Variants in PLPP1 observed in about 807,000 individuals in gnomAD.
PLPP1 encodes the protein phospholipid phosphatase 1.
A neutral mutation model predicts 31.2 loss-of-function variants in PLPP1; 24 were observed. The ratio of observed to expected loss-of-function variants is 0.77; its 90% CI spans 0.56 to 1.08. The LOEUF is 1.08. PLPP1 is among the 50% of genes least tolerant of loss of function. The pLI is 0.00. For synonymous variants in PLPP1, 146 were observed against 126.3 expected, an observed-to-expected ratio of 1.16 and a Z score of -1.05; for missense variants, 319 against 342.7, an observed-to-expected ratio of 0.93 and a Z score of 0.55.
At chr5:55,498,884 C>T (rs1753059076) in intron 1 of PLPP1, among the ~76,000 whole-genome samples, 2 of 152,208 alleles carry the variant, frequency 1.3e-5, no homozygotes, top group African/African-American at 4.8e-5. Flanking sequence ...TCACAAACTA[C>T]TGGAATCTTG....
intron 3 of PLPP1, among the ~76,000 whole-genome samples, chr5:55,446,393 A>T (rs1435657980): frequency 6.6e-6 from 1 of 152,232 alleles, no homozygotes; most frequent in African/African-American, 2.4e-5. Flanking sequence ...ATCATTTACA[A>T]ATCCCTTTGG....
chr5:55,448,272 A>T (rs1444793139), intron 3 of PLPP1, among the ~76,000 whole-genome samples: 7 of 152,188 alleles, frequency 4.6e-5, no homozygotes, highest in African/African-American at 1.7e-4. Context: ...GATGAATGAG[A>T]AAATGAGCAC....
At chr5:55,430,994 A>C (rs911518230) in intron 4 of PLPP1, among the ~76,000 whole-genome samples, 12 of 152,218 alleles carry the variant, frequency 7.9e-5, no homozygotes, top group Non-Finnish European at 1.5e-4. Context: ...AGAACTTCAG[A>C]ACTTCAAAAA....
intron 1 of PLPP1, among the ~76,000 whole-genome samples, chr5:55,488,538 C>T (rs1348155610): frequency 2.6e-5 from 4 of 151,848 alleles, no homozygotes; most frequent in African/African-American, 9.7e-5. Flanking sequence ...CCCAGCTACT[C>T]GGGAGGTCAA....
At chr5:55,501,054 CCT>C (rs1308712084) in intron 1 of PLPP1, among the ~76,000 whole-genome samples, 2 of 152,178 alleles carry the variant, frequency 1.3e-5, no homozygotes, top group South Asian at 2.1e-4. Flanking sequence ...GTGGCTCACC[CCT>C]GTAACCCCAG....
Position 55,475,332 on chromosome 5 carries a change from T to C in PLPP1, c.177A>G (p.Leu59=). 5.6e-6 allele frequency: 9 copies of C among 1,612,530 alleles called. No individual in the cohort carries two copies. The highest frequency in any genetic ancestry group is 7.6e-6 in the Non-Finnish European group (9 of 1,179,098). The change falls in exon 2 of 6, where the codon TTA becomes TTG. Residue 59 remains leucine, a synonymous_variant. Transcript: ENST00000307259. ...TACTGAATGGAATGATTATTCCACCTAATAACGCATAAGGTATGGTGTCTT... is the reference window on the plus strand; with the variant it reads ...TACTGAATGGAATGATTATTCCACCCAATAACGCATAAGGTATGGTGTCTT... The part of the protein sequence containing the change: ...YKEDTIPYAL[L]GGIIIPFSII...
chr5:55,429,363 T>C (rs1016817050), intron 4 of PLPP1, among the ~76,000 whole-genome samples: 4 of 151,992 alleles, frequency 2.6e-5, no homozygotes, highest in African/African-American at 9.7e-5. Context: ...TGCTGGAATT[T>C]ACCACCAAAA....
intron 4 of PLPP1, among the ~76,000 whole-genome samples, chr5:55,436,745 A>G (rs1751502049): frequency 6.6e-6 from 1 of 152,240 alleles, no homozygotes; most frequent in South Asian, 2.1e-4. Flanking sequence ...TTGTTTAAAA[A>G]TTAATATTAA....
chr5:55,519,184 C>T (rs975072128), intron 1 of PLPP1, among the ~76,000 whole-genome samples: 4 of 152,026 alleles, frequency 2.6e-5, no homozygotes, highest in Non-Finnish European at 4.4e-5. Flanking sequence ...TATAGATATC[C>T]ACACTAGCCA....
chr5:55,480,800 C>T (rs1019300607), intron 1 of PLPP1, among the ~76,000 whole-genome samples: 1 of 152,064 alleles, frequency 6.6e-6, no homozygotes, highest in African/African-American at 2.4e-5. Context: ...TGGGTAGATA[C>T]CTACAAGTGG....
intron 3 of PLPP1, among the ~76,000 whole-genome samples, chr5:55,452,708 CT>C (rs1396101316): frequency 6.6e-6 from 1 of 152,148 alleles, no homozygotes; most frequent in Non-Finnish European, 1.5e-5. Context: ...ATGGATCACC[CT>C]TTCTCTGAAG....
chr5:55,478,059 T>C (rs1752595748), intron 1 of PLPP1, among the ~76,000 whole-genome samples: 1 of 152,034 alleles, frequency 6.6e-6, no homozygotes, highest in Non-Finnish European at 1.5e-5. Context: ...AGGCTGTGTG[T>C]CCTTATTCTC....
intron 1 of PLPP1, among the ~76,000 whole-genome samples, chr5:55,511,912 G>T (rs528008593): frequency 6.6e-6 from 1 of 150,606 alleles, no homozygotes; most frequent in African/African-American, 2.4e-5. Context: ...CTCGTGATCC[G>T]TCCACCTCGG....
intron 3 of PLPP1, among the ~76,000 whole-genome samples, chr5:55,446,883 C>CT (rs1751777961): frequency 1.3e-5 from 2 of 152,300 alleles, no homozygotes; most frequent in Middle Eastern, 3.4e-3. Context: ...CGGCCTCAGC[C>CT]TTTATATCTG....
chr5:55,441,639 C>T (rs953276480), intron 4 of PLPP1, among the ~76,000 whole-genome samples: 8 of 152,230 alleles, frequency 5.3e-5, no homozygotes, highest in Non-Finnish European at 1.0e-4. Context: ...TGTGATTACA[C>T]AGAAGCTGTG....
chr5:55,509,965 T>C (rs1753369578), intron 1 of PLPP1, among the ~76,000 whole-genome samples: 1 of 152,202 alleles, frequency 6.6e-6, no homozygotes, highest in South Asian at 2.1e-4. Flanking sequence ...ACGTGATTTT[T>C]ATATGTCAAA....
At chr5:55,474,649 A>T (rs991055233) in intron 2 of PLPP1, among the ~76,000 whole-genome samples, 1 of 152,258 alleles carries the variant, frequency 6.6e-6, no homozygotes, top group Non-Finnish European at 1.5e-5. Flanking sequence ...AAAATTATTT[A>T]AAGTAAGCGT....
intron 2 of PLPP1, among the ~76,000 whole-genome samples, chr5:55,474,013 T>TC (rs1171933850): frequency 6.6e-6 from 1 of 151,072 alleles, no homozygotes; most frequent in African/African-American, 2.4e-5. Flanking sequence ...TTTTTTTTTT[T>TC]CCAGACGGAG....
At chr5:55,466,934 T>C (rs1399840539) in intron 3 of PLPP1, among the ~76,000 whole-genome samples, 1 of 152,194 alleles carries the variant, frequency 6.6e-6, no homozygotes, top group Non-Finnish European at 1.5e-5. Flanking sequence ...AAATGAGGAA[T>C]TGGCTCTGCT....
Sources: allele counts gnomAD v4.1 joint callset (sites outside exome capture counted in the v4.1 genomes callset), GRCh38; gene constraint gnomAD v4.1.1; transcripts MANE v1.5; gene names NCBI Gene and HGNC (gene_info 2026-07-23, HGNC 2026-07-21).